The following E2F1 variants were observed in gnomAD, a reference collection of about 807,000 sequenced individuals.
E2F1 encodes E2F transcription factor 1.
In E2F1, 7 loss-of-function variants were observed where a neutral mutation model predicts 36.9. That is an observed-to-expected ratio of 0.19 (90% CI 0.11 to 0.36). E2F1 has a LOEUF of 0.36. E2F1 is among the 10% of genes least tolerant of loss of function. E2F1 has a pLI of 1.00. For missense variants in E2F1, 406 were observed against 573.6 expected (o/e 0.71, Z 2.99); for synonymous variants, 261 against 263.1 (o/e 0.99, Z 0.08).
In E2F1 at chr20:33,679,981, G is replaced by C. The variant is rs1312425769; in HGVS notation, c.353-7C>G. Reference sequence around the variant, plus strand: ...TCCCCCGGGGATTTCACACCTGTGGGGGTGTGGTCAGGCAAGACAGGGCCC... The same window carrying C: ...TCCCCCGGGGATTTCACACCTGTGGCGGTGTGGTCAGGCAAGACAGGGCCC... On this transcript the variant is annotated splice_polypyrimidine_tract_variant and splice_region_variant and intron_variant, in intron 2 of 6. Transcript: ENST00000343380. The surrounding 1 kb of genome is among the most constrained non-coding windows in gnomAD (Gnocchi z 4.6). 5.0e-6 allele frequency: 8 copies of C among 1,609,752 alleles called. No homozygotes were observed. Among genetic ancestry groups the C allele is most frequent in the Non-Finnish European group, 5.9e-6 (7 of 1,177,274 alleles).
intron 1 of E2F1, among the ~76,000 whole-genome samples, chr20:33,681,114 C>A (rs1256321306): frequency 1.3e-5 from 2 of 152,184 alleles, no homozygotes; most frequent in Non-Finnish European, 2.9e-5. Flanking sequence ...TCACAACTCT[C>A]TGCAGCCTAG....
chr20:33,684,255 A>G (rs1375088653), intron 1 of E2F1, among the ~76,000 whole-genome samples: 2 of 152,202 alleles, frequency 1.3e-5, no homozygotes, highest in Non-Finnish European at 2.9e-5. Flanking sequence ...CAAGACCCTC[A>G]GGTTGTTAGA....
At position 33,676,611 on chromosome 20, in the gene E2F1, G is replaced by A. The variant is rs1246098838; in HGVS notation, c.*121C>T. ...CCAGAGCTAGAAGCTTCTGGAGACA[G>A]AGGAGAGGGGTATAAATTAAATGTT... On this transcript the variant is annotated 3_prime_UTR_variant, in exon 7 of 7. Transcript: ENST00000343380. 1 of 1,389,728 alleles carries A rather than the reference G, an allele frequency of 7.2e-7. No homozygotes were observed. The highest frequency in any genetic ancestry group is 9.5e-7 in the Non-Finnish European group (1 of 1,047,270). 86.1% of individuals were successfully genotyped at this position (1,389,728 alleles called of 1,614,324 possible). A position where few individuals can be genotyped will look rare whatever the true frequency, so the allele number is the denominator to read the frequency against.
chr20:33,677,280 C>T lies in E2F1; in HGVS notation c.891G>A (p.Leu297=), dbSNP rs759041493. ...KSKQGPIDVF[L]CPEETVGGIS... The stretch of plus-strand genomic sequence containing the variant: ...TCCCACCTACGGTCTCCTCAGGGCA[C>T]AGGAAAACATCGATCGGGCCTTGTT... Residue 297 remains leucine (L), a synonymous_variant, in exon 6 of 7, where the codon CTG becomes CTA. Coordinates refer to ENST00000343380, the MANE Select transcript of E2F1 (RefSeq NM_005225.3). 3 of 1,614,100 alleles carry T rather than the reference C, an allele frequency of 1.9e-6. No homozygotes were observed. The highest frequency in any genetic ancestry group is 8.5e-7 in the Non-Finnish European group (1 of 1,180,012).
At chr20:33,684,880 G>C (rs2018051374) in intron 1 of E2F1, among the ~76,000 whole-genome samples, 1 of 152,086 alleles carries the variant, frequency 6.6e-6, no homozygotes, top group Non-Finnish European at 1.5e-5. Context: ...CTTGCTCCAA[G>C]TTCCCTGCTG....
Position 33,678,201 on chromosome 20 carries a change from C to T in E2F1, c.725G>A (p.Arg242His), listed in dbSNP as rs745608299. Reference protein sequence around the residue: ...RLLSEDTDSQRLAYVTCQDLR... With the variant: ...RLLSEDTDSQHLAYVTCQDLR... ...CACCCTACGGCCAATCCAAGGATAT[C>T]GCTGGCTGTCAGTGTCCTCGGAGAG... is the stretch of plus-strand genomic sequence containing the variant. Residue 242 changes from arginine to histidine, a missense_variant and splice_region_variant, in exon 4 of 7, where the codon CGC (arginine) becomes CAC (histidine). By Grantham distance (29) the Arg-to-His change is conservative (BLOSUM62 0). Transcript: ENST00000343380. 4.3e-6 allele frequency: 7 copies of T among 1,610,950 alleles called. No individual in the cohort carries two copies. Among genetic ancestry groups the T allele is most frequent in the Non-Finnish European group, 5.1e-6 (6 of 1,177,716 alleles).
At chr20:33,681,660 AC>A (rs2018018231) in intron 1 of E2F1, among the ~76,000 whole-genome samples, 1 of 152,048 alleles carries the variant, frequency 6.6e-6, no homozygotes, top group Non-Finnish European at 1.5e-5. Flanking sequence ...AAGTACCCGG[AC>A]CAAAACCAGA....
rs1020536486 is a variant in E2F1, at chr20:33,679,817, G to A, written c.510C>T (p.Ile170=). 1 of 1,614,216 alleles carries A rather than the reference G, an allele frequency of 6.2e-7. No individual in the cohort carries two copies. The highest frequency in any genetic ancestry group is 8.5e-7 in the Non-Finnish European group (1 of 1,180,054). The change falls in exon 3 of 7, where the codon ATC becomes ATT. Residue 170 remains isoleucine, a synonymous_variant. Transcript: ENST00000343380. The surrounding 1 kb of genome is among the most constrained non-coding windows in gnomAD (Gnocchi z 4.6). ...LKVQKRRIYD[I]TNVLEGIQLI... Reference sequence around the variant, plus strand: ...GCTGGATGCCCTCAAGGACGTTGGTGATGTCATAGATGCGCCGCTTCTGCA... The same window carrying A: ...GCTGGATGCCCTCAAGGACGTTGGTAATGTCATAGATGCGCCGCTTCTGCA...
chr20:33,686,019 C>G lies in E2F1; in HGVS notation c.246G>C (p.Ala82=), dbSNP rs2018065096. Reference sequence around the variant, plus strand: ...GGGTCCGTACCGGCGGGCGGCCGAGCGCGGGCCGCGGCGCACTGGGTGTGG... The same window carrying G: ...GGGTCCGTACCGGCGGGCGGCCGAGGGCGGGCCGCGGCGCACTGGGTGTGG... ...PRPTPSAPRP[A]LGRPPVKRRL... is the part of the protein sequence containing the mutation. Residue 82 remains alanine, a synonymous_variant, in exon 1 of 7, where the codon GCG becomes GCC. Coordinates refer to ENST00000343380, the MANE Select transcript of E2F1 (RefSeq NM_005225.3). 1 of 1,131,082 alleles carries G rather than the reference C, an allele frequency of 8.8e-7. No individual in the cohort carries two copies. Among genetic ancestry groups the G allele is most frequent in the Non-Finnish European group, 1.1e-6 (1 of 924,546 alleles). The allele number at this position is 1,131,082 out of a possible 1,614,324, so 70.1% of individuals were successfully genotyped here.
chr20:33,680,117 C>A, intron 2 of E2F1, 143 bp from the exon 3 acceptor site: 1 of 913,510 alleles, frequency 1.1e-6, no homozygotes, highest in Non-Finnish European at 1.7e-6. Context: ...AGGCCAACCA[C>A]AGCATTCTTC....
chr20:33,685,410 C>T (rs1463513361), intron 1 of E2F1, among the ~76,000 whole-genome samples: 2 of 152,082 alleles, frequency 1.3e-5, no homozygotes, highest in African/African-American at 4.8e-5. Context: ...AGCATCGAGG[C>T]AGGAAGGAGG....
chr20:33,682,081 C>T (rs1465064673), intron 1 of E2F1, among the ~76,000 whole-genome samples: 2 of 151,944 alleles, frequency 1.3e-5, no homozygotes, highest in African/African-American at 4.8e-5. Flanking sequence ...TCTGAACTGC[C>T]TCAAACCCAA....
At position 33,679,854 on chromosome 20, in the gene E2F1, T is replaced by G; in HGVS notation, c.473A>C (p.Glu158Ala). The G allele has an allele frequency of 7.4e-6, 12 of 1,614,178 alleles. No individual in the cohort carries two copies. The highest frequency in any genetic ancestry group is 1.0e-5 in the Non-Finnish European group (12 of 1,180,034). The change falls in exon 3 of 7, where the codon GAG becomes GCG. Residue 158 changes from glutamate (E) to alanine (A), a missense_variant. Glu to Ala is a moderately radical substitution (Grantham distance 107). This residue lies in a region of E2F1 where 77 missense variants were observed against 131.7 expected (regional missense o/e 0.58). Transcript: ENST00000343380. This position sits in a 1 kb window ranked among gnomAD's most constrained non-coding sequence, Gnocchi z 4.6. ...GCGCCGCTTCTGCACCTTCAGCACC[T>G]CGGCAGCCCAGTTCAGGTCGACGAC... is the stretch of plus-strand genomic sequence containing the variant. ...DGVVDLNWAAEVLKVQKRRIY... is the reference protein window; with the variant it reads ...DGVVDLNWAAAVLKVQKRRIY...
At chr20:33,681,529 A>G (rs954186450) in intron 1 of E2F1, among the ~76,000 whole-genome samples, 10 of 152,170 alleles carry the variant, frequency 6.6e-5, no homozygotes, top group Non-Finnish European at 2.9e-5. Flanking sequence ...AGGCCCAGGA[A>G]GTGGTAGAGT....
chr20:33,678,625 A>C (rs1009383649), intron 3 of E2F1, among the ~76,000 whole-genome samples: 2 of 151,818 alleles, frequency 1.3e-5, no homozygotes, highest in African/African-American at 4.8e-5. Flanking sequence ...ACACATGCAC[A>C]CACACATGCA....
At chr20:33,681,526 G>A (rs921044805) in intron 1 of E2F1, among the ~76,000 whole-genome samples, 1 of 152,156 alleles carries the variant, frequency 6.6e-6, no homozygotes, top group Non-Finnish European at 1.5e-5. Context: ...GGGAGGCCCA[G>A]GAAGTGGTAG....
rs2018067335 is a variant in E2F1, at chr20:33,686,145, C to G, written c.120G>C (p.Gln40His). The G allele has an allele frequency of 1.9e-6, 2 of 1,059,190 alleles. No individual in the cohort carries two copies. Among genetic ancestry groups the G allele is most frequent in the Non-Finnish European group, 2.3e-6 (2 of 879,502 alleles). The allele number at this position is 1,059,190 out of a possible 1,614,324, so 65.6% of individuals were successfully genotyped here. Residue 40 changes from glutamine to histidine, a missense_variant, in exon 1 of 7, where the codon CAG becomes CAC. Physicochemically the swap from Gln to His is conservative, Grantham distance 24 (BLOSUM62 0). Coordinates refer to ENST00000343380, the MANE Select transcript of E2F1 (RefSeq NM_005225.3). ...TGGGAGCCGGCGGGGCGCTGGCGTC[C>G]TGCGCGGCGGAGATGATGACGATCT... ...SSQIVIISAA[Q>H]DASAPPAPTG...
At chr20:33,685,653 C>G (rs1005089002) in intron 1 of E2F1, among the ~76,000 whole-genome samples, 1 of 152,238 alleles carries the variant, frequency 6.6e-6, no homozygotes, top group Non-Finnish European at 1.5e-5. Flanking sequence ...ACACAGCTCA[C>G]AGCGGGGTTG....
At chr20:33,685,861 C>T (rs2018062760) in intron 1 of E2F1, 143 bp downstream of exon 1, 2 of 829,998 alleles carry the variant, frequency 2.4e-6, no homozygotes, top group Non-Finnish European at 3.0e-6. Context: ...GAGGCCCAAC[C>T]CCGGCTCTGC....
Sources: allele counts gnomAD v4.1 joint callset (sites outside exome capture counted in the v4.1 genomes callset), GRCh38; gene constraint gnomAD v4.1.1; regional missense constraint gnomAD v4.1.1; non-coding constraint Gnocchi (gnomAD v3.1); transcripts MANE v1.5; gene names NCBI Gene and HGNC (gene_info 2026-07-23, HGNC 2026-07-21).